ALK: variants seen among roughly 807,000 people sequenced by gnomAD.
ALK encodes ALK receptor tyrosine kinase, also known as ALK tyrosine kinase receptor.
A neutral mutation model predicts 163.1 loss-of-function variants in ALK; 74 were observed. That is an observed-to-expected ratio of 0.45 (90% CI 0.38 to 0.55). The LOEUF (loss-of-function observed/expected upper bound fraction) is 0.55, where lower values mean the gene tolerates loss of function less well. Among genes scored for constraint, ALK ranks in the 20% least tolerant of loss-of-function variants. The probability of loss-of-function intolerance (pLI) is 0.00; values close to 1 mark genes in which losing one functional copy is unlikely to be tolerated. For synonymous variants in ALK, 960 were observed against 843.2 expected, an observed-to-expected ratio of 1.14 and a Z score of -2.40; for missense variants, 2,063 against 2,105.3, an observed-to-expected ratio of 0.98 and a Z score of 0.39.
At chr2:29,563,381 A>C (rs1674081767) in intron 3 of ALK, among the ~76,000 whole-genome samples, 1 of 152,192 alleles carries the variant, frequency 6.6e-6, no homozygotes, top group Non-Finnish European at 1.5e-5. Context: ...AGTACCAGAA[A>C]AACTCAGGAA....
intron 5 of ALK, among the ~76,000 whole-genome samples, chr2:29,343,208 A>ATTTT (rs1558684282): frequency 1.5e-5 from 2 of 136,336 alleles, no homozygotes; most frequent in Non-Finnish European, 3.1e-5. Context: ...AAAATTTAAA[A>ATTTT]ATTTTTTTTT....
intron 3 of ALK, among the ~76,000 whole-genome samples, chr2:29,589,667 A>G (rs114947415): frequency 0.016 from 2,497 of 152,184 alleles, 49 homozygotes; most frequent in African/African-American, 0.057. Flanking sequence ...TCATTGGCTA[A>G]CTCCACTGCT....
rs543844878 is a variant in ALK at position 29,482,281 on chromosome 2, C to T, written c.1154+49634G>A. ...TGCCATGAGCAGGGGAGTTATTTTA[C>T]TGTTTAGAGCCATAATTTCATAAAA... On this transcript the variant is annotated intron_variant, in intron 4 of 28. Coordinates refer to ENST00000389048, the MANE Select transcript of ALK (RefSeq NM_004304.5). 1.8e-4 allele frequency among the ~76,000 whole-genome samples: 27 copies of T among 152,230 alleles called. 1 individual carries two copies. In the South Asian group the frequency reaches 5.6e-3, roughly 32 times the overall value.
chr2:29,283,292 C>T (rs1665760502), intron 9 of ALK, among the ~76,000 whole-genome samples: 1 of 152,154 alleles, frequency 6.6e-6, no homozygotes, highest in African/African-American at 2.4e-5. Flanking sequence ...CATATGTACT[C>T]CGTACCATCG....
chr2:29,623,432 T>C (rs1285484091), intron 3 of ALK, among the ~76,000 whole-genome samples: 2 of 151,986 alleles, frequency 1.3e-5, no homozygotes, highest in African/African-American at 4.8e-5. Flanking sequence ...TAAATGAAAA[T>C]GACATAAAAC....
At chr2:29,230,871 CG>C (rs1664180099) in intron 15 of ALK, among the ~76,000 whole-genome samples, 2 of 152,066 alleles carry the variant, frequency 1.3e-5, no homozygotes, top group Non-Finnish European at 2.9e-5. Context: ...TGAGTAAGCG[CG>C]TAATAAATAA....
intron 4 of ALK, among the ~76,000 whole-genome samples, chr2:29,475,083 CTA>C (rs1244471191): frequency 6.6e-6 from 1 of 152,166 alleles, no homozygotes; most frequent in African/African-American, 2.4e-5. Context: ...CTCATCTTCC[CTA>C]TGAGTCTCTG....
intron 1 of ALK, among the ~76,000 whole-genome samples, chr2:29,784,538 G>A (rs1416171376): frequency 6.6e-6 from 1 of 152,036 alleles, no homozygotes; most frequent in Non-Finnish European, 1.5e-5. Flanking sequence ...TCTACTAAAA[G>A]TACAAAAATT....
chr2:29,849,864 C>G (rs1260596017), intron 1 of ALK, among the ~76,000 whole-genome samples: 2 of 152,196 alleles, frequency 1.3e-5, no homozygotes, highest in African/African-American at 2.4e-5. Flanking sequence ...GCCCTCCCCC[C>G]TCATCCCTCC....
rs3054016 is a variant in ALK at position 29,369,308 on chromosome 2, T to TTGTGTG, written c.1282+14418_1282+14423dup. The stretch of plus-strand genomic sequence containing the variant: ...TGTGTGTGTGTGCACACGTGCATAT[T>TTGTGTG]TGTGTGTGTGTGTGTGTGTGTGTGT... On this transcript the variant is annotated intron_variant, in intron 5 of 28. Transcript: ENST00000389048. Among the ~76,000 whole-genome samples, 1,180 of 145,364 alleles carry TTGTGTG rather than the reference T, an allele frequency of 8.1e-3. 3 individuals are homozygous for TTGTGTG. The highest frequency in any genetic ancestry group is 0.024 in the Middle Eastern group (7 of 288).
intron 1 of ALK, among the ~76,000 whole-genome samples, chr2:29,789,657 A>C (rs529708396): frequency 1.3e-5 from 2 of 152,272 alleles, no homozygotes; most frequent in South Asian, 4.1e-4. Context: ...AGACCCCTAG[A>C]CTGGGGTGAA....
intron 4 of ALK, among the ~76,000 whole-genome samples, chr2:29,520,924 T>G (rs1672794158): frequency 6.6e-6 from 1 of 152,178 alleles, no homozygotes; most frequent in Non-Finnish European, 1.5e-5. Context: ...AGTTCTCTCA[T>G]CCGGGTCTTC....
chr2:29,893,238 G>C (rs767972522), intron 1 of ALK, among the ~76,000 whole-genome samples: 8 of 152,164 alleles, frequency 5.3e-5, no homozygotes, highest in Non-Finnish European at 1.0e-4. Context: ...TCAGCTTCAT[G>C]GTCCTTTTTA....
chr2:29,439,496 C>A (rs983180074), intron 4 of ALK, among the ~76,000 whole-genome samples: 1 of 152,052 alleles, frequency 6.6e-6, no homozygotes, highest in Non-Finnish European at 1.5e-5. Flanking sequence ...ACAGGACAGA[C>A]AGATAGAGAA....
At chr2:29,427,407 A>G (rs1670169941) in intron 4 of ALK, among the ~76,000 whole-genome samples, 1 of 152,100 alleles carries the variant, frequency 6.6e-6, no homozygotes, top group African/African-American at 2.4e-5. Flanking sequence ...AATAGCATTA[A>G]AAAGTGGAGG....
rs2148138685 is a variant in ALK at position 29,193,755 on chromosome 2, C to T, written c.4332G>A (p.Leu1444=). 1 of 1,597,450 alleles carries T rather than the reference C, an allele frequency of 6.3e-7. No homozygotes were observed. The highest frequency in any genetic ancestry group is 1.1e-5 in the South Asian group (1 of 88,650). ...CAGCCTTGCCAGAGGAGGTGGTAGG[C>T]AGAGGTGGTGGGGCAGCTGGGCTGC... The part of the protein sequence containing the change: ...EERSPAAPPP[L]PTTSSGKAAK... Residue 1444 remains leucine, a synonymous_variant, in exon 29 of 29, where the codon CTG becomes CTA. Coordinates refer to ENST00000389048, the MANE Select transcript of ALK (RefSeq NM_004304.5).
chr2:29,906,947 T>G (rs1208083258), intron 1 of ALK, among the ~76,000 whole-genome samples: 6 of 135,692 alleles, frequency 4.4e-5, no homozygotes, highest in Admixed American at 2.2e-4. Context: ...GTTTTTTTTT[T>G]TTTTTTTTTT....
chr2:29,317,080 G>A (rs185892577), intron 8 of ALK, among the ~76,000 whole-genome samples: 1 of 152,124 alleles, frequency 6.6e-6, no homozygotes, highest in Non-Finnish European at 1.5e-5. Context: ...GAAACTCGAG[G>A]GGCTTGATTC....
intron 1 of ALK, chr2:29,899,825 CAA>C (rs113853213): frequency 6.3e-5 from 7 of 111,388 alleles, no homozygotes; most frequent in Admixed American, 1.0e-4. Context: ...GACCCCATCT[CAA>C]AAAAAAAAAA....
Sources: gnomAD v4.1 joint callset for allele counts (sites outside exome capture counted in the v4.1 genomes callset) on GRCh38, gnomAD v4.1.1 for gene constraint, MANE v1.5 for transcripts, NCBI Gene and HGNC (gene_info 2026-07-23, HGNC 2026-07-21) for gene names.